SAMD12: variants seen among roughly 807,000 people sequenced by gnomAD.
The protein encoded by SAMD12 is sterile alpha motif domain-containing protein 12.
In SAMD12, 9 loss-of-function variants were observed where a neutral mutation model predicts 15.0. That is an observed-to-expected ratio of 0.60 (90% confidence interval 0.36 to 1.05). The LOEUF (loss-of-function observed/expected upper bound fraction) is 1.05, where lower values mean the gene tolerates loss of function less well. Ranked by LOEUF, SAMD12 falls within the 50% of genes least tolerant of loss-of-function variation. The probability of loss-of-function intolerance (pLI) is 0.01; values close to 1 mark genes in which losing one functional copy is unlikely to be tolerated. For synonymous variants in SAMD12, 86 were observed against 90.1 expected (o/e 0.96, Z 0.25); for missense variants, 230 against 234.2 (o/e 0.98, Z 0.12).
the SAMD12 span, among the ~76,000 whole-genome samples, chr8:118,170,170 C>T: frequency 2.6e-5 from 4 of 152,104 alleles, no homozygotes; most frequent in African/African-American, 7.2e-5. Context: ...CTCTCTAAGC[C>T]TCAGTTTCTC....
chr8:118,509,594 A>G (rs761814030), intron 2 of SAMD12, among the ~76,000 whole-genome samples: 2 of 152,192 alleles, frequency 1.3e-5, no homozygotes, highest in Non-Finnish European at 1.5e-5. Context: ...CCTGGACACT[A>G]CTTCCCTAAA....
At chr8:118,543,987 C>G (rs893895880) in intron 2 of SAMD12, among the ~76,000 whole-genome samples, 1 of 152,120 alleles carries the variant, frequency 6.6e-6, no homozygotes, top group Non-Finnish European at 1.5e-5. Context: ...TCTTTTGGCT[C>G]TCTCTGCATA....
chr8:118,513,435 C>A (rs1477875926), intron 2 of SAMD12, among the ~76,000 whole-genome samples: 1 of 152,040 alleles, frequency 6.6e-6, no homozygotes, highest in Non-Finnish European at 1.5e-5. Context: ...TTATAACTAC[C>A]CTGTTAAAGA....
chr8:118,535,472 A>T (rs1222094049), intron 2 of SAMD12, among the ~76,000 whole-genome samples: 4 of 152,200 alleles, frequency 2.6e-5, no homozygotes, highest in Admixed American at 1.3e-4. Flanking sequence ...CTCTCTTCAA[A>T]GGTGTCAGAC....
chr8:118,134,809 G>T, the SAMD12 span, among the ~76,000 whole-genome samples: 17 of 152,106 alleles, frequency 1.1e-4, no homozygotes, highest in Non-Finnish European at 2.2e-4. Flanking sequence ...GTGCATACTC[G>T]CCTTCATACC....
chr8:118,431,610 C>A (rs754293770), intron 3 of SAMD12, among the ~76,000 whole-genome samples: 1 of 151,080 alleles, frequency 6.6e-6, no homozygotes, highest in Non-Finnish European at 1.5e-5. Flanking sequence ...GAATTCTTAT[C>A]TTTTCTCTGG....
rs1371928382 is a variant in SAMD12 at position 118,283,858 on chromosome 8, T to C, written c.434-86126A>G. 3.3e-5 allele frequency among the ~76,000 whole-genome samples: 5 copies of C among 152,186 alleles called. No homozygotes were observed. The South Asian group carries it at 1.0e-3, about 31-fold the overall frequency. On this transcript the variant is annotated intron_variant, in intron 4 of 4. Transcript: ENST00000409003. ...TTGAAGAGTAAGGTTCTATTCTCAT[T>C]ATTTAGGAGTTTCATTCAGAAACTT... is the stretch of plus-strand genomic sequence containing the variant.
chr8:118,248,902 T>C (rs1008032300), intron 4 of SAMD12, among the ~76,000 whole-genome samples: 3 of 152,144 alleles, frequency 2.0e-5, no homozygotes, highest in Admixed American at 6.6e-5. Flanking sequence ...ATTGCTGCCA[T>C]TGCCAAAATA....
At chr8:118,413,902 G>C (rs533787156) in intron 3 of SAMD12, among the ~76,000 whole-genome samples, 6 of 136,022 alleles carry the variant, frequency 4.4e-5, no homozygotes, top group East Asian at 5.0e-4. Flanking sequence ...CATTATGAAA[G>C]ATAATTGAGC....
chr8:118,513,317 A>C (rs959105990), intron 2 of SAMD12, among the ~76,000 whole-genome samples: 2 of 152,232 alleles, frequency 1.3e-5, no homozygotes, highest in Non-Finnish European at 2.9e-5. Flanking sequence ...AAACATTTTA[A>C]AGGAAATGGT....
chr8:118,480,895 C>G (rs1019705920), intron 2 of SAMD12, among the ~76,000 whole-genome samples: 1 of 152,178 alleles, frequency 6.6e-6, no homozygotes, highest in Non-Finnish European at 1.5e-5. Flanking sequence ...TCAACCTCTT[C>G]TCCATTGATC....
At chr8:118,421,946 A>G (rs1014324630) in intron 3 of SAMD12, among the ~76,000 whole-genome samples, 2 of 152,230 alleles carry the variant, frequency 1.3e-5, no homozygotes, top group Non-Finnish European at 2.9e-5. Flanking sequence ...GGAGTTCTTT[A>G]AAAAAGTAAA....
At chr8:118,429,912 TA>T (rs140917802) in intron 3 of SAMD12, among the ~76,000 whole-genome samples, 4,283 of 151,070 alleles carry the variant, frequency 0.028, 199 homozygotes, top group African/African-American at 0.098. Context: ...AAAAATAGAT[TA>T]AAAAAAAATA....
At chr8:118,402,206 G>T (rs1820903124) in intron 3 of SAMD12, among the ~76,000 whole-genome samples, 1 of 152,080 alleles carries the variant, frequency 6.6e-6, no homozygotes, top group Non-Finnish European at 1.5e-5. Context: ...GATAGAAAAG[G>T]CTTATTAGAT....
intron 2 of SAMD12, among the ~76,000 whole-genome samples, chr8:118,522,044 C>T (rs1347260652): frequency 6.6e-6 from 1 of 151,994 alleles, no homozygotes; most frequent in African/African-American, 2.4e-5. Context: ...ACAATTTGTC[C>T]ACCATTCCCA....
At chr8:118,608,888 C>T (rs953496913) in intron 1 of SAMD12, among the ~76,000 whole-genome samples, 1 of 152,016 alleles carries the variant, frequency 6.6e-6, no homozygotes, top group Non-Finnish European at 1.5e-5. Flanking sequence ...ATTTAATGCT[C>T]GATAGGTTAT....
intron 4 of SAMD12, among the ~76,000 whole-genome samples, chr8:118,214,846 G>C (rs1481847531): frequency 6.6e-6 from 1 of 152,290 alleles, no homozygotes. Context: ...GGGTGCCTTA[G>C]AGCGCATGGA....
chr8:118,474,115 C>G (rs1218749488), intron 2 of SAMD12, among the ~76,000 whole-genome samples: 2 of 151,394 alleles, frequency 1.3e-5, no homozygotes, highest in Non-Finnish European at 2.9e-5. Context: ...CGCACCACCC[C>G]ATGCTCAGCT....
intron 4 of SAMD12, among the ~76,000 whole-genome samples, chr8:118,236,257 A>C (rs1029226566): frequency 6.6e-6 from 1 of 152,182 alleles, no homozygotes; most frequent in African/African-American, 2.4e-5. Context: ...AGACCTAGTG[A>C]AGACTGAGGA....
Sources: gnomAD v4.1 joint callset for allele counts (sites outside exome capture counted in the v4.1 genomes callset) on GRCh38, gnomAD v4.1.1 for gene constraint, MANE v1.5 for transcripts, NCBI Gene and HGNC (gene_info 2026-07-23, HGNC 2026-07-21) for gene names.